SELE: variants seen among roughly 807,000 people sequenced by gnomAD.
SELE encodes E-selectin.
A neutral mutation model predicts 75.8 loss-of-function variants in SELE; 52 were observed. The ratio of observed to expected loss-of-function variants is 0.69; its 90% CI spans 0.55 to 0.86. The LOEUF is 0.86. Ranked by LOEUF, SELE falls within the 40% of genes least tolerant of loss-of-function variation. SELE has a pLI of 0.00. For synonymous variants in SELE, 285 were observed against 258.7 expected (o/e 1.10, Z -0.98); for missense variants, 754 against 732.7 (o/e 1.03, Z -0.34).
rs1194361769 is a variant in SELE at position 169,722,955 on chromosome 1, T to C, written c.*1570A>G. On this transcript the variant is annotated 3_prime_UTR_variant, in exon 14 of 14. Transcript: ENST00000333360. ...TTTAAAAGAACCTCTGCTGTTCTGA[T>C]CCTTATCACATCTCTGTTTTGACTG... 6.6e-6 allele frequency: 1 copy of C among 152,240 alleles called. No individual in the cohort carries two copies. The highest frequency in any genetic ancestry group is 2.4e-5 in the African/African-American group (1 of 41,468). The allele number at this position is 152,240 out of a possible 1,614,324, so 9.4% of individuals were successfully genotyped here.
chr1:169,734,019 A>G lies in SELE; in HGVS notation c.-97T>C, dbSNP rs1303474222. The G allele has an allele frequency of 1.5e-5, 3 of 193,576 alleles. No individual in the cohort carries two copies. In the South Asian group the frequency reaches 2.9e-4, roughly 19 times the overall value. 12.0% of individuals were successfully genotyped at this position (193,576 alleles called of 1,614,324 possible). On this transcript the variant is annotated 5_prime_UTR_variant, in exon 1 of 14. Transcript: ENST00000333360. ...ACACAGGATCTCTCAGGTGGGTATCACTGCTGCCTCTGTCTCAGGTCAGTA... is the reference window on the plus strand; with the variant it reads ...ACACAGGATCTCTCAGGTGGGTATCGCTGCTGCCTCTGTCTCAGGTCAGTA...
At position 169,727,646 on chromosome 1, in the gene SELE, A is replaced by T; in HGVS notation, c.1468+93T>A. On this transcript the variant is annotated intron_variant, in intron 9 of 13. Transcript: ENST00000333360. ...CGCTACTTAGTTTTCAGCATGTAGG[A>T]AATTAGGACCAAACCCCTTTGGGGC... is the stretch of plus-strand genomic sequence containing the variant. 2.6e-6 allele frequency: 4 copies of T among 1,533,624 alleles called. No homozygotes were observed. The South Asian group carries it at 3.8e-5, about 14-fold the overall frequency.
intron 13 of SELE, among the ~76,000 whole-genome samples, chr1:169,724,880 G>A (rs3917437): frequency 0.019 from 2,919 of 152,206 alleles, 98 homozygotes; most frequent in African/African-American, 0.066. Flanking sequence ...ACTTAAAACC[G>A]CACACACAAA....
In SELE at chr1:169,728,132, A is replaced by G. The variant is rs752499545; in HGVS notation, c.1205T>C (p.Phe402Ser). ...GAGCCTTTTGGATCCCTTCAACACA[A>G]AACCCTGCTCACAGGAGAACTCACA... Reference protein sequence around the residue: ...SSCEFSCEQGFVLKGSKRLQC... With the variant: ...SSCEFSCEQGSVLKGSKRLQC... The change falls in exon 8 of 14, where the codon TTT becomes TCT. Residue 402 changes from phenylalanine to serine, a missense_variant. Coordinates refer to ENST00000333360, the MANE Select transcript of SELE (RefSeq NM_000450.2). 5.0e-6 allele frequency: 8 copies of G among 1,614,082 alleles called. No individual in the cohort carries two copies. Among genetic ancestry groups the G allele is most frequent in the Non-Finnish European group, 6.8e-6 (8 of 1,180,022 alleles).
chr1:169,729,858 T>G (rs1365481509), intron 5 of SELE, among the ~76,000 whole-genome samples, 185 bp from the exon 6 acceptor site: 1 of 152,234 alleles, frequency 6.6e-6, no homozygotes, highest in Non-Finnish European at 1.5e-5. Flanking sequence ...ATATTCTATC[T>G]TTTCTGATTT....
chr1:169,732,602 G>GC lies in SELE; in HGVS notation c.421+12dup, dbSNP rs1331709975. On this transcript the variant is annotated intron_variant, in intron 3 of 13. Transcript: ENST00000333360. ...ACTGAAACTACCTCCCACTGCTGCCGCAAACTCCCTACCTGTGTAGCATAG... is the reference window on the plus strand; with the variant it reads ...ACTGAAACTACCTCCCACTGCTGCCGCCAAACTCCCTACCTGTGTAGCATAG... 6.5e-7 allele frequency: 1 copy of GC among 1,540,764 alleles called. No individual in the cohort carries two copies. The highest frequency in any genetic ancestry group is 2.3e-5 in the East Asian group (1 of 44,030).
At chr1:169,731,787 G>A (rs1245857828) in intron 4 of SELE, 48 bp downstream of exon 4, 1 of 1,296,486 alleles carries the variant, frequency 7.7e-7, no homozygotes, top group Admixed American at 1.7e-5. Context: ...TAGGACGTGA[G>A]ATGGTGCTAC....
intron 9 of SELE, 88 bp from the exon 10 acceptor site, chr1:169,727,613 A>T (rs3917425): frequency 0.092 from 142,590 of 1,548,050 alleles, 7,142 homozygotes; most frequent in Middle Eastern, 0.12. Context: ...ATGAATGTAA[A>T]GTGTAAGCGC....
At chr1:169,733,713 T>A in intron 1 of SELE, 53 bp from the exon 2 acceptor site, 1 of 1,181,410 alleles carries the variant, frequency 8.5e-7, no homozygotes. Context: ...GGGTAGCTAG[T>A]TACATTATTC....
chr1:169,723,500 A>C lies in SELE; in HGVS notation c.*1025T>G, dbSNP rs1435494370. On this transcript the variant is annotated 3_prime_UTR_variant, in exon 14 of 14. Coordinates refer to ENST00000333360, the MANE Select transcript of SELE (RefSeq NM_000450.2). The stretch of plus-strand genomic sequence containing the variant: ...TTGCATTTATGCTTTTATTAGTTCA[A>C]AACGTTTGGCCTCATGGAAGTTTTT... The C allele has an allele frequency of 1.3e-5, 2 of 152,230 alleles. No individual in the cohort carries two copies. The highest frequency in any genetic ancestry group is 4.8e-5 in the African/African-American group (2 of 41,458). The allele number at this position is 152,230 out of a possible 1,614,324, so 9.4% of individuals were successfully genotyped here.
chr1:169,725,417 A>G (rs1301132904), intron 13 of SELE, among the ~76,000 whole-genome samples: 11 of 151,936 alleles, frequency 7.2e-5, no homozygotes, highest in Admixed American at 7.2e-4. Flanking sequence ...AAGAAAAGAT[A>G]AGAAATATAG....
Position 169,723,308 on chromosome 1 carries a change from C to A in SELE, c.*1217G>T, listed in dbSNP as rs537563975. ...CATTCGTTAAAAATCTACCAGATGA[C>A]TCTTTTACATGGTGAGTTTCTATTG... On this transcript the variant is annotated 3_prime_UTR_variant, in exon 14 of 14. Transcript: ENST00000333360. 1 of 152,218 alleles carries A rather than the reference C, an allele frequency of 6.6e-6. No individual in the cohort carries two copies. The highest frequency in any genetic ancestry group is 1.5e-5 in the Non-Finnish European group (1 of 68,038). 9.4% of individuals were successfully genotyped at this position (152,218 alleles called of 1,614,324 possible). A position where few individuals can be genotyped will look rare whatever the true frequency, so the allele number is the denominator to read the frequency against.
At chr1:169,725,983 A>G in intron 11 of SELE, 55 bp from the exon 12 acceptor site, 3 of 1,594,400 alleles carry the variant, frequency 1.9e-6, no homozygotes, top group Non-Finnish European at 2.6e-6. Context: ...TTTTAAGGAT[A>G]TATTAAATCC....
intron 10 of SELE, among the ~76,000 whole-genome samples, chr1:169,727,031 C>T (rs550237328): frequency 1.3e-5 from 2 of 152,272 alleles, no homozygotes; most frequent in African/African-American, 4.8e-5. Context: ...ACTTGCCAAG[C>T]TCGTTCACAA....
At chr1:169,732,493 A>G in intron 3 of SELE, 122 bp downstream of exon 3, 1 of 1,203,408 alleles carries the variant, frequency 8.3e-7, no homozygotes, top group South Asian at 1.6e-5. Flanking sequence ...AAACTTTAGC[A>G]GTTAAACAGA....
At chr1:169,733,490 G>T in intron 2 of SELE, 86 bp downstream of exon 2, 3 of 1,336,778 alleles carry the variant, frequency 2.2e-6, no homozygotes, top group Non-Finnish European at 3.2e-6. Context: ...TCCTGTGCAG[G>T]ACAGCCCCAG....
chr1:169,723,964 A>G lies in SELE; in HGVS notation c.*561T>C, dbSNP rs1012319234. 2.6e-5 allele frequency: 4 copies of G among 152,244 alleles called. No individual in the cohort carries two copies. Among genetic ancestry groups the G allele is most frequent in the Admixed American group, 1.3e-4 (2 of 15,288 alleles). The allele number at this position is 152,244 out of a possible 1,614,324, so 9.4% of individuals were successfully genotyped here. On this transcript the variant is annotated 3_prime_UTR_variant, in exon 14 of 14. Transcript: ENST00000333360. ...GTGCATAGTAACCCTCGCACAGAGCATTCAGTAGGATTTGCACCATTAACA... is the reference window on the plus strand; with the variant it reads ...GTGCATAGTAACCCTCGCACAGAGCGTTCAGTAGGATTTGCACCATTAACA...
In SELE at chr1:169,725,821, A is replaced by G. The variant is rs190462101; in HGVS notation, c.1776-20T>C. On this transcript the variant is annotated intron_variant, in intron 12 of 13. Coordinates refer to ENST00000333360, the MANE Select transcript of SELE (RefSeq NM_000450.2). ...CAGCTGCTGTGGAATACATGAGAAC[A>G]CTAGGTAAAGCACTGTCTTCCAACA... The G allele has an allele frequency of 1.1e-4, 172 of 1,613,886 alleles. 4 individuals carry two copies. The South Asian group carries it at 1.8e-3, about 17-fold the overall frequency.
rs1258249075 is a variant in SELE, at chr1:169,725,920, A to T, written c.1762T>A (p.Phe588Ile). The change falls in exon 12 of 14, where the codon TTT becomes ATT. Residue 588 changes from phenylalanine to isoleucine, a missense_variant. Phe to Ile is a conservative substitution (Grantham distance 21, BLOSUM62 0). Transcript: ENST00000333360. ...AATGCAACTTACCTGGCAGGAACAAATTTCTTTGCTGCAAAAGAAAAGACA... is the reference window on the plus strand; with the variant it reads ...AATGCAACTTACCTGGCAGGAACAATTTTCTTTGCTGCAAAAGAAAAGACA... The part of the protein sequence containing the change: ...LRKCLRKAKK[F>I]VPASSCQSLE... 5.6e-6 allele frequency: 9 copies of T among 1,614,048 alleles called. No homozygotes were observed. Among genetic ancestry groups the T allele is most frequent in the Non-Finnish European group, 7.6e-6 (9 of 1,179,958 alleles).
Sources: gnomAD v4.1 joint callset for allele counts (sites outside exome capture counted in the v4.1 genomes callset) on GRCh38, gnomAD v4.1.1 for gene constraint, MANE v1.5 for transcripts, NCBI Gene and HGNC (gene_info 2026-07-23, HGNC 2026-07-21) for gene names.